Variants in CFH observed in about 807,000 individuals in gnomAD.
CFH encodes H factor 1 (complement).
A neutral mutation model predicts 147.3 loss-of-function variants in CFH; 53 were observed. The observed-to-expected ratio is 0.36, with a 90% CI of 0.29 to 0.45. CFH has a LOEUF of 0.45. Ranked by LOEUF, CFH falls within the 20% of genes least tolerant of loss-of-function variation. The pLI is 1.00. For missense variants in CFH, 1,380 were observed against 1,498.0 expected (o/e 0.92, Z 1.30); for synonymous variants, 536 against 489.4 (o/e 1.10, Z -1.26).
intron 9 of CFH, among the ~76,000 whole-genome samples, chr1:196,701,863 A>G (rs1430954995): frequency 1.3e-5 from 2 of 152,112 alleles, no homozygotes; most frequent in African/African-American, 4.8e-5. Flanking sequence ...ACAAAAAAAG[A>G]TTATCTTACT....
chr1:196,719,121 A>G (rs1293755205), intron 11 of CFH, among the ~76,000 whole-genome samples: 1 of 152,050 alleles, frequency 6.6e-6, no homozygotes, highest in Non-Finnish European at 1.5e-5. Flanking sequence ...ATCTAGTACT[A>G]GGACTTAGGG....
rs1666515772 is a variant in CFH at position 196,652,059 on chromosome 1, G to A, written c.-59G>A. On this transcript the variant is annotated 5_prime_UTR_variant, in exon 1 of 22. Transcript: ENST00000367429. ...GCACTAATCACAATTCTTGGAAGAG[G>A]AGAACTGGACGTTGTGAACAGAGTT... 4 of 1,186,286 alleles carry A rather than the reference G, an allele frequency of 3.4e-6. No homozygotes were observed. The highest frequency in any genetic ancestry group is 5.1e-6 in the Non-Finnish European group (4 of 790,570). The allele number at this position is 1,186,286 out of a possible 1,614,324, so 73.5% of individuals were successfully genotyped here. A position where few individuals can be genotyped will look rare whatever the true frequency, so the allele number is the denominator to read the frequency against.
intron 9 of CFH, among the ~76,000 whole-genome samples, chr1:196,690,759 G>C (rs1233139775): frequency 2.0e-5 from 3 of 152,026 alleles, no homozygotes; most frequent in Non-Finnish European, 4.4e-5. Flanking sequence ...ATTTACATAG[G>C]GCCCAAAGAT....
chr1:196,710,219 A>G (rs1257052067), intron 9 of CFH, among the ~76,000 whole-genome samples: 1 of 152,138 alleles, frequency 6.6e-6, no homozygotes, highest in Admixed American at 6.6e-5. Flanking sequence ...TCTCTTGCAC[A>G]TAGCCCCTTC....
chr1:196,738,690 T>A (rs1652682202), intron 17 of CFH, among the ~76,000 whole-genome samples: 1 of 152,196 alleles, frequency 6.6e-6, no homozygotes, highest in Non-Finnish European at 1.5e-5. Context: ...CTGGTTGCTT[T>A]CATGGGCTGG....
chr1:196,742,011 A>T lies in CFH; in HGVS notation c.3093A>T (p.Thr1031=). The change falls in exon 19 of 22, where the codon ACA becomes ACT. Residue 1031 remains threonine, a synonymous_variant. Coordinates refer to ENST00000367429, the MANE Select transcript of CFH (RefSeq NM_000186.4). ...AAATGGATGGAGCCAGTAATGTAACATGCATTAATAGCAGATGGACAGGAA... is the reference window on the plus strand; with the variant it reads ...AAATGGATGGAGCCAGTAATGTAACTTGCATTAATAGCAGATGGACAGGAA... ...YYKMDGASNV[T]CINSRWTGRP... is the part of the protein sequence containing the mutation. The T allele has an allele frequency of 1.2e-6, 2 of 1,614,184 alleles. No individual in the cohort carries two copies. Among genetic ancestry groups the T allele is most frequent in the Non-Finnish European group, 1.7e-6 (2 of 1,180,026 alleles).
chr1:196,674,528 T>G (rs1194753908), intron 3 of CFH, among the ~76,000 whole-genome samples: 1 of 152,192 alleles, frequency 6.6e-6, no homozygotes, highest in Admixed American at 6.5e-5. Flanking sequence ...AAATCATCAC[T>G]GTATATCCTC....
chr1:196,707,535 G>A (rs187428198), intron 9 of CFH, among the ~76,000 whole-genome samples: 2 of 152,290 alleles, frequency 1.3e-5, no homozygotes, highest in East Asian at 1.9e-4. Flanking sequence ...TTAAAACACA[G>A]TGAAAGAGGC....
At position 196,672,961 on chromosome 1, in the gene CFH, G is replaced by A; in HGVS notation, c.59-17G>A. ...AATAGACACTTTATGCACTTATTTT[G>A]TTTTTATTGTTTGTAGATTGCAATG... On this transcript the variant is annotated splice_polypyrimidine_tract_variant and intron_variant, in intron 1 of 21. Transcript: ENST00000367429. The A allele has an allele frequency of 5.0e-6, 8 of 1,607,564 alleles. No individual in the cohort carries two copies. Among genetic ancestry groups the A allele is most frequent in the Non-Finnish European group, 6.8e-6 (8 of 1,174,578 alleles).
At chr1:196,724,694 T>G (rs1669090820) in intron 11 of CFH, among the ~76,000 whole-genome samples, 1 of 152,238 alleles carries the variant, frequency 6.6e-6, no homozygotes, top group African/African-American at 2.4e-5. Context: ...CTTTGGTTCT[T>G]CTTTCTGAGG....
intron 9 of CFH, chr1:196,692,537 T>C (rs1230465943): frequency 6.7e-6 from 1 of 148,924 alleles, no homozygotes; most frequent in Non-Finnish European, 1.4e-5. Context: ...TTTTTCTTTC[T>C]TTCTTTTTCT....
rs574533965 is a variant in CFH, at chr1:196,667,716, C to T, written c.59-5262C>T. On this transcript the variant is annotated intron_variant, in intron 1 of 21. Transcript: ENST00000367429. ...CTGATACAGTTCAGTTTAAGTCTAG[C>T]ATATTGCTACTTACTTTTGCCTCAA... is the stretch of plus-strand genomic sequence containing the variant. Among the ~76,000 whole-genome samples the T allele has an allele frequency of 6.6e-5, 10 of 152,200 alleles. No homozygotes were observed. In the South Asian group the frequency reaches 2.1e-3, roughly 32 times the overall value.
At position 196,726,598 on chromosome 1, in the gene CFH, C is replaced by T. The variant is rs1669144431; in HGVS notation, c.2002C>T (p.Pro668Ser). 6.2e-7 allele frequency: 1 copy of T among 1,612,128 alleles called. No homozygotes were observed. Among genetic ancestry groups the T allele is most frequent in the Non-Finnish European group, 8.5e-7 (1 of 1,178,348 alleles). The change falls in exon 13 of 22, where the codon CCT becomes TCT. Residue 668 changes from proline (P) to serine (S), a missense_variant. Around this residue, in one of 4 missense-constraint regions of CFH, gnomAD observed 830 missense variants for 821.4 expected, o/e 1.01. Transcript: ENST00000367429. Reference sequence around the variant, plus strand: ...CAATCCTAGATTTCTAATGAAGGGACCTAATAAAATTCAATGTGTTGATGG... The same window carrying T: ...CAATCCTAGATTTCTAATGAAGGGATCTAATAAAATTCAATGTGTTGATGG... Reference protein sequence around the residue: ...YCNPRFLMKGPNKIQCVDGEW... With the variant: ...YCNPRFLMKGSNKIQCVDGEW...
At position 196,685,101 on chromosome 1, in the gene CFH, C is replaced by G. The variant is rs1407449411; in HGVS notation, c.828C>G (p.Asp276Glu). 2 of 1,611,512 alleles carry G rather than the reference C, an allele frequency of 1.2e-6. No homozygotes were observed. Among genetic ancestry groups the G allele is most frequent in the Admixed American group, 3.3e-5 (2 of 59,830 alleles). ...ATAATCCTTATATTCCAAATGGTGACTACTCACCTTTAAGGATTAAACACA... is the reference window on the plus strand; with the variant it reads ...ATAATCCTTATATTCCAAATGGTGAGTACTCACCTTTAAGGATTAAACACA... Reference protein sequence around the residue: ...SCDNPYIPNGDYSPLRIKHRT... With the variant: ...SCDNPYIPNGEYSPLRIKHRT... Residue 276 changes from aspartate to glutamate, a missense_variant, in exon 7 of 22, where the codon GAC (aspartate) becomes GAG (glutamate). By Grantham distance (45) the Asp-to-Glu change is conservative. Transcript: ENST00000367429.
intron 1 of CFH, among the ~76,000 whole-genome samples, chr1:196,654,462 G>A (rs1009395878): frequency 6.6e-6 from 1 of 152,080 alleles, no homozygotes; most frequent in Non-Finnish European, 1.5e-5. Flanking sequence ...GGCTCAGGGG[G>A]TCACTGCAGG....
Position 196,683,111 on chromosome 1 carries a change from A to C in CFH, c.791-1953A>C, listed in dbSNP as rs117342218. Among the ~76,000 whole-genome samples the C allele has an allele frequency of 2.9e-3, 444 of 151,352 alleles. 2 individuals carry two copies. The highest frequency in any genetic ancestry group is 0.021 in the East Asian group (108 of 5,164). ...AAAATTAAAAAATTAAGTAAAGTAC[A>C]AGAGGAGAAGCAAAAAATATAAAGT... On this transcript the variant is annotated intron_variant, in intron 6 of 21. Coordinates refer to ENST00000367429, the MANE Select transcript of CFH (RefSeq NM_000186.4).
chr1:196,686,878 T>C (rs1169514839), intron 7 of CFH, among the ~76,000 whole-genome samples: 1 of 152,114 alleles, frequency 6.6e-6, no homozygotes, highest in African/African-American at 2.4e-5. Flanking sequence ...TTTAATTTCA[T>C]TAAATAACCA....
At chr1:196,689,338 T>G (rs1349170636) in intron 7 of CFH, 82 bp from the exon 8 acceptor site, 4 of 1,255,958 alleles carry the variant, frequency 3.2e-6, no homozygotes, top group Admixed American at 2.0e-5. Context: ...AGAATATAAT[T>G]CAGTGATAAA....
Position 196,707,243 on chromosome 1 carries a change from A to G in CFH, c.1337-6492A>G, listed in dbSNP as rs534533378. ...TTCTGTCCATTGCCCTGCTCAGAGT[A>G]AGGGTGGTCCCTAAAAGTGGGCTTA... On this transcript the variant is annotated intron_variant, in intron 9 of 21. Coordinates refer to ENST00000367429, the MANE Select transcript of CFH (RefSeq NM_000186.4). Among the ~76,000 whole-genome samples the G allele has an allele frequency of 3.9e-5, 6 of 152,330 alleles. No homozygotes were observed. The South Asian group carries it at 6.2e-4, about 16-fold the overall frequency.
Sources: allele counts gnomAD v4.1 joint callset (sites outside exome capture counted in the v4.1 genomes callset), GRCh38; gene constraint gnomAD v4.1.1; regional missense constraint gnomAD v4.1.1; transcripts MANE v1.5; gene names NCBI Gene and HGNC (gene_info 2026-07-23, HGNC 2026-07-21).